Variants in PCDHGB7 observed in about 807,000 individuals in gnomAD.
PCDHGB7 encodes protocadherin gamma-B7.
PCDHGB7 carries 37 observed loss-of-function variants against 61.4 expected under a neutral mutation model. The observed-to-expected ratio is 0.60, with a 90% CI of 0.46 to 0.79. The LOEUF (loss-of-function observed/expected upper bound fraction) is 0.79. Ranked by LOEUF, PCDHGB7 falls within the 30% of genes least tolerant of loss-of-function variation. The probability of loss-of-function intolerance (pLI) is 0.00; values close to 1 mark genes in which losing one functional copy is unlikely to be tolerated. For missense variants in PCDHGB7, 1,166 were observed against 1,202.5 expected (o/e 0.97, Z 0.45); for synonymous variants, 464 against 503.5 (o/e 0.92, Z 1.05).
intron 1 of PCDHGB7, chr5:141,484,858 T>A: frequency 4.1e-6 from 1 of 245,806 alleles, no homozygotes; most frequent in Non-Finnish European, 7.8e-6. Context: ...TTTTGGGGGG[T>A]GGGGGAGCGT....
At chr5:141,423,102 C>T (rs778561065) in intron 1 of PCDHGB7, 7 of 1,613,920 alleles carry the variant, frequency 4.3e-6, no homozygotes, top group Non-Finnish European at 4.2e-6. Context: ...AGCACACGGG[C>T]GAGGTGCGTA....
intron 1 of PCDHGB7, among the ~76,000 whole-genome samples, chr5:141,461,756 C>T (rs887460069): frequency 6.6e-6 from 1 of 151,832 alleles, no homozygotes; most frequent in Non-Finnish European, 1.5e-5. Flanking sequence ...CAGATTCAAG[C>T]GATTCTCCTG....
At chr5:141,434,920 A>G (rs927245955) in intron 1 of PCDHGB7, among the ~76,000 whole-genome samples, 3 of 151,796 alleles carry the variant, frequency 2.0e-5, no homozygotes, top group East Asian at 1.9e-4. Flanking sequence ...ATTTATGTAC[A>G]TATATTTTAT....
intron 1 of PCDHGB7, chr5:141,440,430 G>A (rs965990102): frequency 6.6e-6 from 1 of 152,196 alleles, no homozygotes; most frequent in African/African-American, 2.4e-5. Flanking sequence ...CTGGGTGACA[G>A]AGCAAGGCGC....
At position 141,511,239 on chromosome 5, in the gene PCDHGB7, C is replaced by A; in HGVS notation, c.*66C>A. On this transcript the variant is annotated 3_prime_UTR_variant, in exon 4 of 4. Coordinates refer to ENST00000398594, the MANE Select transcript of PCDHGB7 (RefSeq NM_018927.4). ...AACCAGCCCAGCTTCTCCTTACCTG[C>A]ACCCAGGCCTCAGAGTTTCAGGGCT... 1 of 1,587,938 alleles carries A rather than the reference C, an allele frequency of 6.3e-7. No homozygotes were observed. Among genetic ancestry groups the A allele is most frequent in the Admixed American group, 1.8e-5 (1 of 55,480 alleles).
At chr5:141,506,669 A>C (rs1293213848) in intron 3 of PCDHGB7, among the ~76,000 whole-genome samples, 1 of 152,198 alleles carries the variant, frequency 6.6e-6, no homozygotes, top group African/African-American at 2.4e-5. Flanking sequence ...GTAAGGGCAC[A>C]ATATATTATT....
chr5:141,481,071 A>G (rs887828386), intron 1 of PCDHGB7, among the ~76,000 whole-genome samples: 19 of 152,172 alleles, frequency 1.2e-4, no homozygotes, highest in African/African-American at 4.6e-4. Context: ...AACAAAAAGA[A>G]AGAAAGAAAA....
At chr5:141,498,964 G>A (rs1342764380) in intron 2 of PCDHGB7, among the ~76,000 whole-genome samples, 2 of 127,572 alleles carry the variant, frequency 1.6e-5, no homozygotes, top group Admixed American at 8.7e-5. Context: ...AGAGAGGGAG[G>A]GAGGGAGGGA....
chr5:141,477,817 C>G lies in PCDHGB7; in HGVS notation c.2416-16990C>G, dbSNP rs1593824080. 2 of 1,614,138 alleles carry G rather than the reference C, an allele frequency of 1.2e-6. No individual in the cohort carries two copies. The highest frequency in any genetic ancestry group is 8.5e-7 in the Non-Finnish European group (1 of 1,180,038). ...ATCGCAATGACAATGCCCCCCAGGT[C>G]CTATATCCTCGGCCAGGTGGGAGCT... is the stretch of plus-strand genomic sequence containing the variant. On this transcript the variant is annotated intron_variant, in intron 1 of 3. Coordinates refer to ENST00000398594, the MANE Select transcript of PCDHGB7 (RefSeq NM_018927.4). This position sits in a 1 kb window ranked among gnomAD's most constrained non-coding sequence, Gnocchi z 4.9.
chr5:141,468,981 A>G (rs1209945826), intron 1 of PCDHGB7, among the ~76,000 whole-genome samples: 4 of 151,852 alleles, frequency 2.6e-5, no homozygotes, highest in East Asian at 1.9e-4. Context: ...TTTGACTTCC[A>G]AAATTATTGT....
At chr5:141,436,849 T>C (rs1007573014) in intron 1 of PCDHGB7, among the ~76,000 whole-genome samples, 11 of 152,256 alleles carry the variant, frequency 7.2e-5, no homozygotes, top group African/African-American at 2.7e-4. Context: ...ACATTCTTGA[T>C]TGAGAAGCCA....
intron 1 of PCDHGB7, chr5:141,441,621 G>T: frequency 4.5e-6 from 1 of 223,408 alleles, no homozygotes; most frequent in South Asian, 5.2e-5. Context: ...CGTGGCCAGT[G>T]ACCTGGAGCC....
chr5:141,422,780 T>C, intron 1 of PCDHGB7: 2 of 1,614,140 alleles, frequency 1.2e-6, no homozygotes, highest in Non-Finnish European at 1.7e-6. Context: ...CTCTATGCCC[T>C]ACAATCCTTC....
chr5:141,424,018 CACAA>C (rs909442976), intron 1 of PCDHGB7: 3 of 1,051,682 alleles, frequency 2.9e-6, no homozygotes, highest in South Asian at 4.6e-5. Context: ...ATTAATGATT[CACAA>C]ACACTTTTTA....
chr5:141,427,229 G>A (rs1377470019), intron 1 of PCDHGB7: 3 of 456,628 alleles, frequency 6.6e-6, no homozygotes, highest in Non-Finnish European at 1.3e-5. Context: ...GTTATACCAT[G>A]AGAGTAGAAG....
chr5:141,467,715 G>C (rs904101145), intron 1 of PCDHGB7, among the ~76,000 whole-genome samples: 1 of 152,022 alleles, frequency 6.6e-6, no homozygotes, highest in Non-Finnish European at 1.5e-5. Flanking sequence ...AGGCTGGAGT[G>C]TAGTGGCACA....
At chr5:141,427,422 G>C (rs922637577) in intron 1 of PCDHGB7, 1 of 468,292 alleles carries the variant, frequency 2.1e-6, no homozygotes, top group Non-Finnish European at 4.3e-6. Context: ...AAATGGGGAG[G>C]TTACATGCCT....
At chr5:141,439,500 TTCTC>T (rs1399113868) in intron 1 of PCDHGB7, among the ~76,000 whole-genome samples, 9 of 152,246 alleles carry the variant, frequency 5.9e-5, no homozygotes, top group Admixed American at 2.0e-4. Context: ...AGAAACGTCT[TTCTC>T]TCTGCTCTCA....
chr5:141,480,239 A>C (rs1320132415), intron 1 of PCDHGB7, among the ~76,000 whole-genome samples: 4 of 136,218 alleles, frequency 2.9e-5, no homozygotes, highest in African/African-American at 1.1e-4. Context: ...TCCTGTCTCT[A>C]CAAAAAAAAA....
Sources: allele counts gnomAD v4.1 joint callset (sites outside exome capture counted in the v4.1 genomes callset), GRCh38; gene constraint gnomAD v4.1.1; non-coding constraint Gnocchi (gnomAD v3.1); transcripts MANE v1.5; gene names NCBI Gene and HGNC (gene_info 2026-07-23, HGNC 2026-07-21).